RORA: variants seen among roughly 807,000 people sequenced by gnomAD.
The protein encoded by RORA is nuclear receptor ROR-alpha.
Under a neutral mutation model 69.5 loss-of-function variants are expected in RORA, and 7 were observed. The observed-to-expected ratio is 0.10, with a 90% CI of 0.06 to 0.19. The LOEUF is 0.19. Among genes scored for constraint, RORA ranks in the 10% least tolerant of loss-of-function variants. RORA has a pLI of 1.00. For synonymous variants in RORA, 261 were observed against 240.8 expected (o/e 1.08, Z -0.78); for missense variants, 457 against 663.0 (o/e 0.69, Z 3.41).
intron 1 of RORA, among the ~76,000 whole-genome samples, chr15:60,731,984 C>T (rs971305359): frequency 1.3e-5 from 2 of 152,124 alleles, no homozygotes; most frequent in Admixed American, 6.6e-5. Context: ...CTAGAAGTTC[C>T]GAATAGGCGA....
At chr15:60,911,050 C>A in intron 1 of RORA, among the ~76,000 whole-genome samples, 1 of 147,018 alleles carries the variant, frequency 6.8e-6, no homozygotes, top group Non-Finnish European at 1.5e-5. Context: ...TTACAGGCGC[C>A]CACCACCATG....
chr15:61,138,128 A>C (rs567262891), intron 1 of RORA, among the ~76,000 whole-genome samples: 78 of 152,166 alleles, frequency 5.1e-4, no homozygotes, highest in Non-Finnish European at 1.0e-3. Context: ...AAAAACACTA[A>C]CTCACATGCT....
At position 60,830,151 on chromosome 15, in the gene RORA, T is replaced by C. The variant is rs61490796; in HGVS notation, c.167-151465A>G. Reference sequence around the variant, plus strand: ...TTCACCCATTTTTTAAATAGTAGTTTTGCGCTTATTCTTTTTAAAAATAAA... The same window carrying C: ...TTCACCCATTTTTTAAATAGTAGTTCTGCGCTTATTCTTTTTAAAAATAAA... On this transcript the variant is annotated intron_variant, in intron 1 of 10. Transcript: ENST00000335670. Among the ~76,000 whole-genome samples, 237 of 152,348 alleles carry C rather than the reference T, an allele frequency of 1.6e-3. 1 individual carries two copies. The highest frequency in any genetic ancestry group is 5.5e-3 in the African/African-American group (229 of 41,578).
At chr15:60,877,287 C>T (rs1173723208) in intron 1 of RORA, among the ~76,000 whole-genome samples, 1 of 152,136 alleles carries the variant, frequency 6.6e-6, no homozygotes, top group African/African-American at 2.4e-5. Context: ...ACAATGAGAG[C>T]CTGGGTTTCT....
intron 1 of RORA, among the ~76,000 whole-genome samples, chr15:60,818,387 T>C (rs2072846124): frequency 6.6e-6 from 1 of 152,194 alleles, no homozygotes; most frequent in African/African-American, 2.4e-5. Context: ...ATGATTTCCT[T>C]TTATTCCTCA....
chr15:60,631,322 T>A (rs2069732322), intron 2 of RORA, among the ~76,000 whole-genome samples: 1 of 152,206 alleles, frequency 6.6e-6, no homozygotes, highest in Non-Finnish European at 1.5e-5. Flanking sequence ...TGTTCACAGT[T>A]TTCCCCCTCA....
intron 2 of RORA, among the ~76,000 whole-genome samples, chr15:60,548,810 TGTATTTTTA>T (rs1187054508): frequency 1.3e-5 from 2 of 152,158 alleles, no homozygotes; most frequent in African/African-American, 4.8e-5. Flanking sequence ...GCTAATTTTT[TGTATTTTTA>T]GTAGAGACAG....
chr15:60,935,070 AG>A (rs986578542), intron 1 of RORA, among the ~76,000 whole-genome samples: 1 of 152,252 alleles, frequency 6.6e-6, no homozygotes, highest in Non-Finnish European at 1.5e-5. Flanking sequence ...TGAATCCCAC[AG>A]GGGGCCCTCA....
chr15:61,165,474 C>T (rs929880541), intron 1 of RORA, among the ~76,000 whole-genome samples: 11 of 152,346 alleles, frequency 7.2e-5, no homozygotes, highest in Middle Eastern at 3.4e-3. Flanking sequence ...TCCTAGACCA[C>T]GGCCAGTGGT....
At chr15:61,172,568 C>A (rs1387737629) in intron 1 of RORA, among the ~76,000 whole-genome samples, 1 of 152,108 alleles carries the variant, frequency 6.6e-6, no homozygotes, top group Non-Finnish European at 1.5e-5. Flanking sequence ...GTCTCAGGGC[C>A]CCGGAGGAAT....
At chr15:61,052,372 C>G (rs1032834305) in intron 1 of RORA, among the ~76,000 whole-genome samples, 2 of 152,208 alleles carry the variant, frequency 1.3e-5, no homozygotes, top group Non-Finnish European at 2.9e-5. Flanking sequence ...GATGGGAAAG[C>G]CTCATACGTA....
rs181537685 is a variant in RORA at position 61,132,911 on chromosome 15, C to T, written c.166+96142G>A. Among the ~76,000 whole-genome samples the T allele has an allele frequency of 1.5e-3, 232 of 152,168 alleles. 2 individuals carry two copies. Among genetic ancestry groups the T allele is most frequent in the Non-Finnish European group, 2.8e-3 (192 of 68,004 alleles). Reference sequence around the variant, plus strand: ...AATATAAAGAACTGCTGAATAAATCCGGCTATATATCTCTTTGTATCAAAA... The same window carrying T: ...AATATAAAGAACTGCTGAATAAATCTGGCTATATATCTCTTTGTATCAAAA... On this transcript the variant is annotated intron_variant, in intron 1 of 10. Transcript: ENST00000335670.
chr15:61,093,468 A>G lies in RORA; in HGVS notation c.166+135585T>C, dbSNP rs1595978182. Among the ~76,000 whole-genome samples the G allele has an allele frequency of 2.6e-5, 4 of 152,346 alleles. No homozygotes were observed. In the South Asian group the frequency reaches 8.3e-4, roughly 32 times the overall value. ...TCCCAGATCCTATGCCTGGAGATAC[A>G]GACCAACAATGCTGCGGCTACAGAG... On this transcript the variant is annotated intron_variant, in intron 1 of 10. Transcript: ENST00000335670.
chr15:60,884,008 A>C (rs1233775234), intron 1 of RORA, among the ~76,000 whole-genome samples: 1 of 152,230 alleles, frequency 6.6e-6, no homozygotes, highest in African/African-American at 2.4e-5. Flanking sequence ...CAAGAGCTAA[A>C]ACAATGGAGA....
intron 1 of RORA, among the ~76,000 whole-genome samples, chr15:60,829,001 TA>T (rs1353807946): frequency 6.6e-6 from 1 of 152,212 alleles, no homozygotes; most frequent in African/African-American, 2.4e-5. Context: ...CCTCTCCCCC[TA>T]AAACTTTCAG....
chr15:60,743,176 G>A (rs1332603836), intron 1 of RORA, among the ~76,000 whole-genome samples: 5 of 151,748 alleles, frequency 3.3e-5, no homozygotes, highest in South Asian at 2.1e-4. Context: ...CACCATGCCC[G>A]GCTAATTTTT....
chr15:61,093,495 TG>T (rs2078740514), intron 1 of RORA, among the ~76,000 whole-genome samples: 3 of 152,226 alleles, frequency 2.0e-5, no homozygotes, highest in Admixed American at 6.5e-5. Context: ...GCTACAGAGC[TG>T]GTGACTTTCT....
chr15:61,215,244 C>T (rs984801999), intron 1 of RORA, among the ~76,000 whole-genome samples: 1 of 152,044 alleles, frequency 6.6e-6, no homozygotes, highest in Non-Finnish European at 1.5e-5. Flanking sequence ...ACTGCCTTCT[C>T]AGGTCCTATT....
intron 2 of RORA, among the ~76,000 whole-genome samples, chr15:60,666,191 A>G (rs1596108940): frequency 3.4e-5 from 5 of 145,952 alleles, no homozygotes; most frequent in African/African-American, 1.3e-4. Context: ...TTTTTGAAAC[A>G]GGGTCTTGCT....
Sources: gnomAD v4.1 joint callset for allele counts (sites outside exome capture counted in the v4.1 genomes callset) on GRCh38, gnomAD v4.1.1 for gene constraint, MANE v1.5 for transcripts, NCBI Gene and HGNC (gene_info 2026-07-23, HGNC 2026-07-21) for gene names.